Variants in FSIP2 observed in about 807,000 individuals in gnomAD.
FSIP2 encodes fibrous sheath interacting protein 2.
A neutral mutation model predicts 510.5 loss-of-function variants in FSIP2; 367 were observed. That is an observed-to-expected ratio of 0.72 (90% CI 0.66 to 0.78). The LOEUF (loss-of-function observed/expected upper bound fraction) is 0.78, where lower values mean the gene tolerates loss of function less well. FSIP2 is among the 30% of genes least tolerant of loss of function. The pLI is 0.00. For missense variants in FSIP2, 7,594 were observed against 7,901.7 expected, an observed-to-expected ratio of 0.96 and a Z score of 1.48; for synonymous variants, 2,601 against 2,732.2, an observed-to-expected ratio of 0.95 and a Z score of 1.50.
Position 185,815,463 on chromosome 2 carries a change from A to G in FSIP2, c.20418A>G (p.Ser6806=). ...CATACAACCAAGAAGATCTCATTTC[A>G]TCTACTGGGTATATGAAATTAAAGC... ...SSSYNQEDLI[S]STGEAEDCHS... is the part of the protein sequence containing the mutation. Residue 6806 remains serine (S), a synonymous_variant, in exon 19 of 23, where the codon TCA becomes TCG. Transcript: ENST00000424728. 7.4e-7 allele frequency: 1 copy of G among 1,354,020 alleles called. No homozygotes were observed. The highest frequency in any genetic ancestry group is 1.0e-6 in the Non-Finnish European group (1 of 962,214). The allele number at this position is 1,354,020 out of a possible 1,614,324, so 83.9% of individuals were successfully genotyped here.
intron 14 of FSIP2, among the ~76,000 whole-genome samples, chr2:185,783,398 A>G (rs1692897006): frequency 6.6e-6 from 1 of 152,172 alleles, no homozygotes; most frequent in Non-Finnish European, 1.5e-5. Context: ...GTATTATTTT[A>G]CACCCAATGC....
chr2:185,786,184 A>G, intron 14 of FSIP2, 68 bp from the exon 15 acceptor site: 3 of 990,976 alleles, frequency 3.0e-6, no homozygotes, highest in Non-Finnish European at 4.4e-6. Flanking sequence ...AATAATTAGA[A>G]ATTTTGGGAA....
At position 185,792,429 on chromosome 2, in the gene FSIP2, A is replaced by C. The variant is rs1693159116; in HGVS notation, c.5293A>C (p.Ile1765Leu). ...GGCTCTCGAAAAAACCTTAAACAAA[A>C]TTGAAGTAAAACTCAAAGAACCACA... Reference protein sequence around the residue: ...QWALEKTLNKIEVKLKEPHIS... With the variant: ...QWALEKTLNKLEVKLKEPHIS... Residue 1765 changes from isoleucine (I) to leucine (L), a missense_variant, in exon 16 of 23, where the codon ATT (isoleucine) becomes CTT (leucine). By Grantham distance (5) the Ile-to-Leu change is conservative. Coordinates refer to ENST00000424728, the MANE Select transcript of FSIP2 (RefSeq NM_173651.4). 1 of 1,533,758 alleles carries C rather than the reference A, an allele frequency of 6.5e-7. No homozygotes were observed.
rs1303238000 is a variant in FSIP2 at position 185,802,795 on chromosome 2, A to G, written c.13489A>G (p.Ile4497Val). 3.3e-6 allele frequency: 5 copies of G among 1,520,642 alleles called. No homozygotes were observed. The South Asian group carries it at 6.2e-5, about 19-fold the overall frequency. The allele number at this position is 1,520,642 out of a possible 1,614,324, so 94.2% of individuals were successfully genotyped here. A position where few individuals can be genotyped will look rare whatever the true frequency, so the allele number is the denominator to read the frequency against. The change falls in exon 17 of 23, where the codon ATA becomes GTA. Residue 4497 changes from isoleucine to valine, a missense_variant. By Grantham distance (29) the Ile-to-Val change is conservative. Coordinates refer to ENST00000424728, the MANE Select transcript of FSIP2 (RefSeq NM_173651.4). ...LVLNRDTQKD[I>V]SRVNFNDIAS... Reference sequence around the variant, plus strand: ...TCTAAACAGAGACACCCAAAAAGATATATCAAGAGTGAATTTCAATGACAT... The same window carrying G: ...TCTAAACAGAGACACCCAAAAAGATGTATCAAGAGTGAATTTCAATGACAT...
Position 185,789,341 on chromosome 2 carries a change from T to G in FSIP2, c.2205T>G (p.Val735=). Residue 735 remains valine, a synonymous_variant, in exon 16 of 23, where the codon GTT becomes GTG. Coordinates refer to ENST00000424728, the MANE Select transcript of FSIP2 (RefSeq NM_173651.4). ...SLSSVTAEVF[V]EQCEREKEIL... ...CTTCTGTTACTGCTGAAGTTTTTGT[T>G]GAACAATGTGAACGTGAAAAAGAAA... 1 of 1,534,956 alleles carries G rather than the reference T, an allele frequency of 6.5e-7. No individual in the cohort carries two copies. Among genetic ancestry groups the G allele is most frequent in the Admixed American group, 2.0e-5 (1 of 50,880 alleles).
intron 17 of FSIP2, among the ~76,000 whole-genome samples, chr2:185,809,364 T>C (rs1693677956): frequency 6.6e-6 from 1 of 152,056 alleles, no homozygotes; most frequent in Non-Finnish European, 1.5e-5. Flanking sequence ...CCTAAGACAA[T>C]CCTTTTGAAA....
intron 8 of FSIP2, 69 bp from the exon 9 acceptor site, chr2:185,756,123 A>C (rs1559012710): frequency 1.8e-6 from 1 of 567,448 alleles, no homozygotes; most frequent in African/African-American, 1.9e-5. Context: ...TAAAAGGATA[A>C]GTAGTCTATC....
Position 185,831,895 on chromosome 2 carries a change from C to G in FSIP2, c.20587+13C>G. ...GAAGTCATTTCAGGTACAAAATGTACTATTTTAACAACTGGTGTAATTAAA... is the reference window on the plus strand; with the variant it reads ...GAAGTCATTTCAGGTACAAAATGTAGTATTTTAACAACTGGTGTAATTAAA... On this transcript the variant is annotated intron_variant, in intron 22 of 22. Transcript: ENST00000424728. 6.6e-7 allele frequency: 1 copy of G among 1,509,520 alleles called. No homozygotes were observed. Among genetic ancestry groups the G allele is most frequent in the Middle Eastern group, 1.7e-4 (1 of 5,844 alleles). The allele number at this position is 1,509,520 out of a possible 1,614,324, so 93.5% of individuals were successfully genotyped here. A position where few individuals can be genotyped will look rare whatever the true frequency, so the allele number is the denominator to read the frequency against.
chr2:185,808,820 A>G lies in FSIP2; in HGVS notation c.19514A>G (p.Gln6505Arg), dbSNP rs1186564096. ...TTTAATGTGATTCCTGAATTAGAGC[A>G]AGAAAAGTTAGATCAAAATTTATCT... Reference protein sequence around the residue: ...HAFNVIPELEQEKLDQNLSEE... With the variant: ...HAFNVIPELEREKLDQNLSEE... Residue 6505 changes from glutamine to arginine, a missense_variant, in exon 17 of 23, where the codon CAA becomes CGA. Physicochemically the swap from Gln to Arg is conservative, Grantham distance 43. Transcript: ENST00000424728. 1.2e-6 allele frequency: 2 copies of G among 1,612,800 alleles called. No individual in the cohort carries two copies. The highest frequency in any genetic ancestry group is 3.3e-5 in the Admixed American group (2 of 59,838).
In FSIP2 at chr2:185,808,654, T is replaced by C; in HGVS notation, c.19348T>C (p.Phe6450Leu). The C allele has an allele frequency of 6.2e-7, 1 of 1,605,944 alleles. No individual in the cohort carries two copies. The highest frequency in any genetic ancestry group is 8.5e-7 in the Non-Finnish European group (1 of 1,176,658). ...TGATATAAAAGATACAAATACAGCC[T>C]TTCCTAAAAAAGTGGCTAGTTTAAT... Reference protein sequence around the residue: ...YYDIKDTNTAFPKKVASLIID... With the variant: ...YYDIKDTNTALPKKVASLIID... Residue 6450 changes from phenylalanine to leucine, a missense_variant, in exon 17 of 23, where the codon TTT becomes CTT. Coordinates refer to ENST00000424728, the MANE Select transcript of FSIP2 (RefSeq NM_173651.4).
chr2:185,801,985 T>TC lies in FSIP2; in HGVS notation c.12680dup (p.Leu4228SerfsTer17). 1 of 1,522,454 alleles carries TC rather than the reference T, an allele frequency of 6.6e-7. No homozygotes were observed. The allele number at this position is 1,522,454 out of a possible 1,614,324, so 94.3% of individuals were successfully genotyped here. On this transcript the variant is annotated frameshift_variant, in exon 17 of 23. Coordinates refer to ENST00000424728, the MANE Select transcript of FSIP2 (RefSeq NM_173651.4). LOFTEE classifies it high-confidence loss of function. Reference sequence around the variant, plus strand: ...TTGTAATATTTTGCAAATGTCTGACTCTCTTGTTTCAATACAAAAAAGTAT... The same window carrying TC: ...TTGTAATATTTTGCAAATGTCTGACTCCTCTTGTTTCAATACAAAAAAGTAT...
intron 19 of FSIP2, among the ~76,000 whole-genome samples, chr2:185,819,309 AAAC>A (rs1231287422): frequency 6.6e-6 from 1 of 151,960 alleles, no homozygotes; most frequent in Non-Finnish European, 1.5e-5. Flanking sequence ...AAGATGCAGA[AAAC>A]AACAAAATGG....
rs1336854109 is a variant in FSIP2, at chr2:185,743,309, ACTT to A, written c.387+19_387+21del. 1.4e-5 allele frequency: 20 copies of A among 1,462,662 alleles called. No homozygotes were observed. Among genetic ancestry groups the A allele is most frequent in the Non-Finnish European group, 1.5e-5 (17 of 1,113,000 alleles). 90.6% of individuals were successfully genotyped at this position (1,462,662 alleles called of 1,614,324 possible). A position where few individuals can be genotyped will look rare whatever the true frequency, so the allele number is the denominator to read the frequency against. On this transcript the variant is annotated intron_variant, in intron 3 of 22. Coordinates refer to ENST00000424728, the MANE Select transcript of FSIP2 (RefSeq NM_173651.4). ...GCAATAATAAAGTGGGTTGAAAATT[ACTT>A]CTTTTTTTAATCAATGAAACCCTTT...
intron 9 of FSIP2, among the ~76,000 whole-genome samples, chr2:185,760,066 T>A (rs1692320310): frequency 6.6e-6 from 1 of 150,976 alleles, no homozygotes; most frequent in South Asian, 2.1e-4. Flanking sequence ...ATTTTTCATG[T>A]ATTTCTTTAT....
At chr2:185,748,005 T>G (rs1002369206) in intron 7 of FSIP2, among the ~76,000 whole-genome samples, 2 of 152,064 alleles carry the variant, frequency 1.3e-5, no homozygotes, top group African/African-American at 4.8e-5. Flanking sequence ...CAACTTAGCA[T>G]GTTGATAAAT....
chr2:185,795,124 A>G lies in FSIP2; in HGVS notation c.7988A>G (p.His2663Arg), dbSNP rs1347294165. ...KDNPKPCFKA[H>R]LKTRSKITTL... ...AACCCTAAGCCATGCTTTAAAGCACATTTAAAAACAAGATCAAAAATTACC... is the reference window on the plus strand; with the variant it reads ...AACCCTAAGCCATGCTTTAAAGCACGTTTAAAAACAAGATCAAAAATTACC... Residue 2663 changes from histidine (H) to arginine (R), a missense_variant, in exon 16 of 23, where the codon CAT becomes CGT. His to Arg is a conservative substitution (Grantham distance 29). Coordinates refer to ENST00000424728, the MANE Select transcript of FSIP2 (RefSeq NM_173651.4). 4.6e-6 allele frequency: 7 copies of G among 1,534,874 alleles called. No individual in the cohort carries two copies. The highest frequency in any genetic ancestry group is 1.7e-4 in the Middle Eastern group (1 of 6,004).
At chr2:185,779,078 T>C (rs1260019670) in intron 13 of FSIP2, among the ~76,000 whole-genome samples, 1 of 152,120 alleles carries the variant, frequency 6.6e-6, no homozygotes, top group East Asian at 1.9e-4. Flanking sequence ...GTTATTTGTT[T>C]AGATGCCTCT....
intron 13 of FSIP2, chr2:185,766,347 C>T (rs1188670600): frequency 1.3e-5 from 2 of 149,726 alleles, no homozygotes; most frequent in Non-Finnish European, 3.0e-5. Flanking sequence ...AGCTTCTGCA[C>T]AGCAAAAGAA....
chr2:185,808,086 T>C lies in FSIP2; in HGVS notation c.18780T>C (p.Val6260=). ...TAGTTAATTCTATTTATACCAGTGTTTTAAAGCACTCTGGCTCTTATACTT... is the reference window on the plus strand; with the variant it reads ...TAGTTAATTCTATTTATACCAGTGTCTTAAAGCACTCTGGCTCTTATACTT... ...ENIVNSIYTS[V]LKHSGSYTSV... The change falls in exon 17 of 23, where the codon GTT becomes GTC. Residue 6260 remains valine (V), a synonymous_variant. Coordinates refer to ENST00000424728, the MANE Select transcript of FSIP2 (RefSeq NM_173651.4). 6.2e-7 allele frequency: 1 copy of C among 1,607,832 alleles called. No homozygotes were observed. The highest frequency in any genetic ancestry group is 1.7e-5 in the Admixed American group (1 of 58,922).
Sources: gnomAD v4.1 joint callset for allele counts (sites outside exome capture counted in the v4.1 genomes callset) on GRCh38, gnomAD v4.1.1 for gene constraint, MANE v1.5 for transcripts, NCBI Gene and HGNC (gene_info 2026-07-23, HGNC 2026-07-21) for gene names.